ENTREP2: variants seen among roughly 807,000 people sequenced by gnomAD.
ENTREP2 encodes protein ENTREP2.
chr15:29,352,158 C>T, the ENTREP2 span, among the ~76,000 whole-genome samples: 4 of 152,124 alleles, frequency 2.6e-5, no homozygotes, highest in Non-Finnish European at 5.9e-5. Flanking sequence ...TGGACTCTAA[C>T]TCCTGGCTTC....
chr15:29,254,795 T>G, the ENTREP2 span, among the ~76,000 whole-genome samples: 1 of 152,114 alleles, frequency 6.6e-6, no homozygotes, highest in African/African-American at 2.4e-5. Flanking sequence ...AGGTGGAGGT[T>G]GCAGTGAGCC....
At chr15:29,343,007 T>C in the ENTREP2 span, among the ~76,000 whole-genome samples, 1 of 122,914 alleles carries the variant, frequency 8.1e-6, no homozygotes, top group Admixed American at 9.5e-5. Context: ...AAGAATACTA[T>C]ATGAGCTGGT....
the ENTREP2 span, among the ~76,000 whole-genome samples, chr15:29,469,626 A>G: frequency 6.6e-6 from 1 of 152,164 alleles, no homozygotes; most frequent in African/African-American, 2.4e-5. Flanking sequence ...TCAGCTTGGG[A>G]AGGTGAAAAC....
At chr15:29,559,641 A>C in the ENTREP2 span, among the ~76,000 whole-genome samples, 4 of 152,002 alleles carry the variant, frequency 2.6e-5, no homozygotes, top group Non-Finnish European at 5.9e-5. Context: ...TCATTGGCTC[A>C]TAACTCTCTT....
chr15:29,306,835 T>C, the ENTREP2 span, among the ~76,000 whole-genome samples: 1 of 151,904 alleles, frequency 6.6e-6, no homozygotes, highest in Admixed American at 6.6e-5. Context: ...AACTTCCGCC[T>C]ACCTGGTTCA....
chr15:29,454,242 A>G, the ENTREP2 span, among the ~76,000 whole-genome samples: 6 of 152,210 alleles, frequency 3.9e-5, no homozygotes, highest in African/African-American at 1.4e-4. Context: ...TTCTTCAGTG[A>G]CTTGCCAACT....
At chr15:29,427,374 T>C in the ENTREP2 span, among the ~76,000 whole-genome samples, 1 of 152,180 alleles carries the variant, frequency 6.6e-6, no homozygotes, top group African/African-American at 2.4e-5. Context: ...CCCTATCTGT[T>C]AGTTTCCTAT....
the ENTREP2 span, among the ~76,000 whole-genome samples, chr15:29,296,722 GTAA>G: frequency 6.6e-6 from 1 of 152,196 alleles, no homozygotes; most frequent in Non-Finnish European, 1.5e-5. Flanking sequence ...TAGGGCTGCT[GTAA>G]TCAAGTACCA....
At chr15:29,123,912 ACTTCTGC>A in the ENTREP2 span, among the ~76,000 whole-genome samples, 1 of 152,124 alleles carries the variant, frequency 6.6e-6, no homozygotes, top group Non-Finnish European at 1.5e-5. Flanking sequence ...GCAGCGACCC[ACTTCTGC>A]CCTCTGCTAG....
At chr15:29,478,757 T>C in the ENTREP2 span, among the ~76,000 whole-genome samples, 1 of 148,214 alleles carries the variant, frequency 6.7e-6, no homozygotes, top group Non-Finnish European at 1.5e-5. Context: ...ATACAAAAAT[T>C]AGCTGGGCGT....
At chr15:29,615,159 CT>C in the ENTREP2 span, among the ~76,000 whole-genome samples, 8,020 of 142,132 alleles carry the variant, frequency 0.056, 207 homozygotes, top group East Asian at 0.15. Flanking sequence ...ATTTTTTTTT[CT>C]TTTTTTTTTT....
the ENTREP2 span, among the ~76,000 whole-genome samples, chr15:29,325,609 C>T: frequency 1.3e-5 from 2 of 152,182 alleles, no homozygotes; most frequent in South Asian, 2.1e-4. Flanking sequence ...CAATAATTAA[C>T]GATATTCCAA....
chr15:29,407,433 C>T, the ENTREP2 span, among the ~76,000 whole-genome samples: 1 of 152,124 alleles, frequency 6.6e-6, no homozygotes, highest in African/African-American at 2.4e-5. Context: ...GTCTCCCTCA[C>T]CATGTATGAG....
chr15:29,485,379 T>G, the ENTREP2 span, among the ~76,000 whole-genome samples: 2 of 152,166 alleles, frequency 1.3e-5, no homozygotes, highest in African/African-American at 4.8e-5. Flanking sequence ...CAGAGCAGAC[T>G]TGATTCACAA....
the ENTREP2 span, among the ~76,000 whole-genome samples, chr15:29,332,207 C>T: frequency 6.6e-6 from 1 of 151,804 alleles, no homozygotes; most frequent in Non-Finnish European, 1.5e-5. Flanking sequence ...AAAGATATAA[C>T]AAAGTTAAAC....
At chr15:29,654,988 ATC>A in the ENTREP2 span, among the ~76,000 whole-genome samples, 7 of 152,292 alleles carry the variant, frequency 4.6e-5, no homozygotes, top group African/African-American at 1.4e-4. Flanking sequence ...TGCTGTTTCT[ATC>A]TCTGTTTCTA....
chr15:29,254,435 T>G, the ENTREP2 span, among the ~76,000 whole-genome samples: 1 of 152,244 alleles, frequency 6.6e-6, no homozygotes, highest in Non-Finnish European at 1.5e-5. Context: ...GTAAATTTAT[T>G]TCAGCATTCC....
the ENTREP2 span, among the ~76,000 whole-genome samples, chr15:29,405,707 G>A: frequency 1.3e-5 from 2 of 152,224 alleles, no homozygotes; most frequent in Non-Finnish European, 2.9e-5. Context: ...CCCAGAGCAC[G>A]CTTGTTTCAT....
the ENTREP2 span, among the ~76,000 whole-genome samples, chr15:29,343,348 C>T: frequency 3.9e-5 from 6 of 152,102 alleles, no homozygotes; most frequent in Non-Finnish European, 4.4e-5. Context: ...CTCATCCAAT[C>T]AGTCAAAGGC....
Sources: gnomAD v4.1 joint callset for allele counts (sites outside exome capture counted in the v4.1 genomes callset) on GRCh38, gnomAD v4.1.1 for gene constraint, MANE v1.5 for transcripts, NCBI Gene and HGNC (gene_info 2026-07-23, HGNC 2026-07-21) for gene names.